PKD1L1: variants seen among roughly 807,000 people sequenced by gnomAD.
PKD1L1 encodes the protein polycystin-1-like protein 1.
A neutral mutation model predicts 323.4 loss-of-function variants in PKD1L1; 236 were observed. The observed-to-expected ratio is 0.73, with a 90% CI of 0.66 to 0.81. The LOEUF is 0.81. Ranked by LOEUF, PKD1L1 falls within the 40% of genes least tolerant of loss-of-function variation. PKD1L1 has a pLI of 0.00. For missense variants in PKD1L1, 3,320 were observed against 3,508.0 expected, an observed-to-expected ratio of 0.95 and a Z score of 1.35; for synonymous variants, 1,344 against 1,335.0, an observed-to-expected ratio of 1.01 and a Z score of -0.15.
At chr7:47,834,091 C>T (rs1273439745) in intron 40 of PKD1L1, among the ~76,000 whole-genome samples, 1 of 152,198 alleles carries the variant, frequency 6.6e-6, no homozygotes, top group Non-Finnish European at 1.5e-5. Flanking sequence ...TCTGCTGAGA[C>T]CCCTTCTTTC....
intron 28 of PKD1L1, among the ~76,000 whole-genome samples, chr7:47,856,292 G>A (rs1785903403): frequency 1.3e-5 from 2 of 152,168 alleles, no homozygotes; most frequent in South Asian, 4.1e-4. Flanking sequence ...ACTCGCCTCG[G>A]CCTCCCAAAC....
intron 45 of PKD1L1, among the ~76,000 whole-genome samples, chr7:47,822,594 C>CAAAAAA (rs745820560): frequency 2.9e-4 from 21 of 71,394 alleles, no homozygotes; most frequent in African/African-American, 3.5e-4. Flanking sequence ...GACTCCGTCT[C>CAAAAAA]AAAAAAAAAA....
At position 47,815,437 on chromosome 7, in the gene PKD1L1, C is replaced by G. The variant is rs1784995760; in HGVS notation, c.6986G>C (p.Gly2329Ala). Residue 2329 changes from glycine to alanine, a missense_variant, in exon 47 of 57, where the codon GGT becomes GCT. By Grantham distance (60) the Gly-to-Ala change is moderately conservative (BLOSUM62 0). Transcript: ENST00000289672. ...CCAGTCAGCGATGTTTCTCAGGCCA[C>G]CCAAGCAGTTTCTGGCATTTCTTAA... ...EFTRNARNCL[G>A]GLRNIADWWD... The G allele has an allele frequency of 6.2e-7, 1 of 1,613,844 alleles. No individual in the cohort carries two copies. The highest frequency in any genetic ancestry group is 1.7e-5 in the Admixed American group (1 of 59,984).
intron 37 of PKD1L1, among the ~76,000 whole-genome samples, chr7:47,836,349 C>T (rs1785457726): frequency 1.3e-5 from 2 of 152,124 alleles, no homozygotes; most frequent in African/African-American, 4.8e-5. Context: ...CATGAATGGC[C>T]ATGATGTTGT....
At chr7:47,833,516 C>A (rs1785392697) in intron 40 of PKD1L1, among the ~76,000 whole-genome samples, 1 of 152,124 alleles carries the variant, frequency 6.6e-6, no homozygotes, top group South Asian at 2.1e-4. Flanking sequence ...GGTGATTGCA[C>A]CTGGTTCTCT....
At chr7:47,960,443 A>C in the PKD1L1 span, among the ~76,000 whole-genome samples, 1 of 149,076 alleles carries the variant, frequency 6.7e-6, no homozygotes, top group Non-Finnish European at 1.5e-5. Context: ...TGTAATATCA[A>C]ATAAAGTGAT....
At chr7:47,902,125 G>C (rs996893751) in intron 13 of PKD1L1, among the ~76,000 whole-genome samples, 2 of 152,088 alleles carry the variant, frequency 1.3e-5, no homozygotes, top group African/African-American at 4.8e-5. Flanking sequence ...GGCGAATAAA[G>C]AACTTATTCA....
At position 47,775,021 on chromosome 7, in the gene PKD1L1, T is replaced by A; in HGVS notation, c.*122A>T. On this transcript the variant is annotated 3_prime_UTR_variant, in exon 57 of 57. Coordinates refer to ENST00000289672, the MANE Select transcript of PKD1L1 (RefSeq NM_138295.5). ...TACTTGTTACGTGAACTGGAAAAAT[T>A]AACAAAACTTCTTCGTACCTCAGCT... The A allele has an allele frequency of 9.3e-7, 1 of 1,078,660 alleles. No homozygotes were observed. The allele number at this position is 1,078,660 out of a possible 1,614,324, so 66.8% of individuals were successfully genotyped here.
chr7:47,945,382 C>T (rs1788073725), intron 1 of PKD1L1, among the ~76,000 whole-genome samples: 1 of 151,964 alleles, frequency 6.6e-6, no homozygotes, highest in South Asian at 2.1e-4. Flanking sequence ...TTCTTGATGC[C>T]CAAGAAGCCG....
chr7:47,928,144 A>G (rs187928189), intron 7 of PKD1L1, among the ~76,000 whole-genome samples: 100 of 152,376 alleles, frequency 6.6e-4, no homozygotes, highest in Non-Finnish European at 1.3e-3. Flanking sequence ...TTATACACAT[A>G]AAAGATATAA....
chr7:47,829,408 T>C lies in PKD1L1; in HGVS notation c.6735+17A>G, dbSNP rs1353153573. The C allele has an allele frequency of 6.3e-7, 1 of 1,583,722 alleles. No individual in the cohort carries two copies. The highest frequency in any genetic ancestry group is 8.6e-7 in the Non-Finnish European group (1 of 1,166,674). ...TTTTTAAATCTCAATTTGCACTGCA[T>C]AGGTAATTTTTTTTACTTTTTCAAC... is the stretch of plus-strand genomic sequence containing the variant. On this transcript the variant is annotated intron_variant, in intron 44 of 56. Transcript: ENST00000289672.
chr7:47,811,777 C>G, intron 50 of PKD1L1, 40 bp downstream of exon 50: 4 of 1,514,402 alleles, frequency 2.6e-6, no homozygotes, highest in Non-Finnish European at 3.6e-6. Context: ...CCCCATCTTC[C>G]TGTGCACCTC....
rs1439934246 is a variant in PKD1L1, at chr7:47,886,062, A to ATT, written c.2837-9_2837-8insAA. The ATT allele has an allele frequency of 6.3e-7, 1 of 1,598,442 alleles. No individual in the cohort carries two copies. Among genetic ancestry groups the ATT allele is most frequent in the Admixed American group, 1.7e-5 (1 of 57,534 alleles). On this transcript the variant is annotated splice_polypyrimidine_tract_variant and intron_variant, in intron 17 of 56. Transcript: ENST00000289672. ...CTACTCTGCAGAAGGGAACTTAAGCAAACGTTTGGCAGTGTTAGAATTTTG... is the reference window on the plus strand; with the variant it reads ...CTACTCTGCAGAAGGGAACTTAAGCATTAACGTTTGGCAGTGTTAGAATTTTG...
chr7:47,834,549 A>T (rs1785417128), intron 39 of PKD1L1, among the ~76,000 whole-genome samples, 164 bp from the exon 40 acceptor site: 1 of 152,182 alleles, frequency 6.6e-6, no homozygotes, highest in Non-Finnish European at 1.5e-5. Context: ...TAGAACGAGG[A>T]CTTTTGTTGA....
At chr7:47,789,074 G>T (rs997910724) in intron 56 of PKD1L1, among the ~76,000 whole-genome samples, 1 of 151,984 alleles carries the variant, frequency 6.6e-6, no homozygotes, top group African/African-American at 2.4e-5. Flanking sequence ...GAATATTTTT[G>T]TCCAGTTTTT....
At chr7:47,957,735 A>G in the PKD1L1 span, among the ~76,000 whole-genome samples, 180 of 151,804 alleles carry the variant, frequency 1.2e-3, 1 homozygote, top group Middle Eastern at 6.8e-3. Flanking sequence ...AGCTCAAGCA[A>G]CTCACCTGCC....
chr7:47,889,015 T>G (rs1244180905), intron 16 of PKD1L1, among the ~76,000 whole-genome samples: 1 of 152,096 alleles, frequency 6.6e-6, no homozygotes, highest in Non-Finnish European at 1.5e-5. Flanking sequence ...GCCTAAGCAC[T>G]CGACTCCCAG....
rs762649201 is a variant in PKD1L1 at position 47,839,420 on chromosome 7, C to A, written c.5769+26G>T. The A allele has an allele frequency of 1.3e-6, 2 of 1,577,202 alleles. No homozygotes were observed. Among genetic ancestry groups the A allele is most frequent in the Non-Finnish European group, 1.7e-6 (2 of 1,157,260 alleles). ...CTCTGCCGGTCAGCCAGGTGCGCCACGAGAGGCCACCTGGAGGGAGCCTAC... is the reference window on the plus strand; with the variant it reads ...CTCTGCCGGTCAGCCAGGTGCGCCAAGAGAGGCCACCTGGAGGGAGCCTAC... On this transcript the variant is annotated intron_variant, in intron 36 of 56. Transcript: ENST00000289672. The surrounding 1 kb of genome is among the most constrained non-coding windows in gnomAD (Gnocchi z 4.3).
At chr7:47,934,946 A>G (rs1454288987) in intron 4 of PKD1L1, among the ~76,000 whole-genome samples, 1 of 152,208 alleles carries the variant, frequency 6.6e-6, no homozygotes, top group Non-Finnish European at 1.5e-5. Flanking sequence ...GGCCCAAGAC[A>G]GACTGTGGCA....
Sources: gnomAD v4.1 joint callset for allele counts (sites outside exome capture counted in the v4.1 genomes callset) on GRCh38, gnomAD v4.1.1 for gene constraint, Gnocchi (gnomAD v3.1) non-coding constraint, MANE v1.5 for transcripts, NCBI Gene and HGNC (gene_info 2026-07-23, HGNC 2026-07-21) for gene names.